PCDHGA7: variants seen among roughly 807,000 people sequenced by gnomAD.
The protein encoded by PCDHGA7 is protocadherin gamma-A7.
A neutral mutation model predicts 58.3 loss-of-function variants in PCDHGA7; 44 were observed. That is an observed-to-expected ratio of 0.75 (90% CI 0.59 to 0.97). The LOEUF is 0.97. Among genes scored for constraint, PCDHGA7 ranks in the 50% least tolerant of loss-of-function variants. PCDHGA7 has a pLI of 0.00. For synonymous variants in PCDHGA7, 516 were observed against 504.2 expected (o/e 1.02, Z -0.31); for missense variants, 1,266 against 1,188.7 (o/e 1.06, Z -0.96).
intron 1 of PCDHGA7, chr5:141,390,882 G>C (rs892294372): frequency 6.5e-6 from 1 of 152,824 alleles, no homozygotes; most frequent in Admixed American, 6.5e-5. Flanking sequence ...GTGTGTGTGT[G>C]TGTGTGAGAG....
rs753044238 is a variant in PCDHGA7, at chr5:141,382,748, C to T, written c.-152C>T. ...TACAGCACAGAGAAACGACAGATTGCGATAAGCCCTCTTCCAGGCTGCACT... is the reference window on the plus strand; with the variant it reads ...TACAGCACAGAGAAACGACAGATTGTGATAAGCCCTCTTCCAGGCTGCACT... On this transcript the variant is annotated 5_prime_UTR_variant, in exon 1 of 4. Transcript: ENST00000518325. 2.3e-5 allele frequency: 14 copies of T among 606,870 alleles called. No individual in the cohort carries two copies. Among genetic ancestry groups the T allele is most frequent in the Non-Finnish European group, 3.6e-5 (13 of 360,062 alleles). 37.6% of individuals were successfully genotyped at this position (606,870 alleles called of 1,614,324 possible). A position where few individuals can be genotyped will look rare whatever the true frequency, so the allele number is the denominator to read the frequency against.
chr5:141,405,527 C>T (rs1055420196), intron 1 of PCDHGA7: 7 of 670,510 alleles, frequency 1.0e-5, no homozygotes, highest in Non-Finnish European at 1.8e-5. Flanking sequence ...TCAAGCGATT[C>T]TCCTGCCTCA....
In PCDHGA7 at chr5:141,422,632, G is replaced by T. The variant is rs199543811; in HGVS notation, c.2424+37309G>T. ...CTACATTCCCGAAAACAACCCCAGGGGTGCCTCCATCTTCTCAGTGACCGC... is the reference window on the plus strand; with the variant it reads ...CTACATTCCCGAAAACAACCCCAGGTGTGCCTCCATCTTCTCAGTGACCGC... On this transcript the variant is annotated intron_variant, in intron 1 of 3. Coordinates refer to ENST00000518325, the MANE Select transcript of PCDHGA7 (RefSeq NM_018920.4). 4,245 of 1,613,132 alleles carry T rather than the reference G, an allele frequency of 2.6e-3. 5 individuals carry two copies. The highest frequency in any genetic ancestry group is 3.2e-3 in the Admixed American group (193 of 59,948).
chr5:141,408,299 A>C, intron 1 of PCDHGA7: 1 of 1,613,662 alleles, frequency 6.2e-7, no homozygotes, highest in Non-Finnish European at 8.5e-7. Context: ...GAGTGAGCCG[A>C]TCCGCTACTC....
chr5:141,384,110 T>G lies in PCDHGA7; in HGVS notation c.1211T>G (p.Leu404Trp). 1 of 1,604,780 alleles carries G rather than the reference T, an allele frequency of 6.2e-7. No homozygotes were observed. Among genetic ancestry groups the G allele is most frequent in the Non-Finnish European group, 8.5e-7 (1 of 1,175,206 alleles). ...LEKSIDNYYR[L>W]VTTKNLDRET... ...AAATCAATAGATAATTATTATAGAT[T>G]GGTCACAACCAAAAACTTGGACCGG... The change falls in exon 1 of 4, where the codon TTG becomes TGG. Residue 404 changes from leucine (L) to tryptophan (W), a missense_variant. Physicochemically the swap from Leu to Trp is moderately conservative, Grantham distance 61. Coordinates refer to ENST00000518325, the MANE Select transcript of PCDHGA7 (RefSeq NM_018920.4).
intron 1 of PCDHGA7, among the ~76,000 whole-genome samples, chr5:141,402,212 A>T (rs1282581389): frequency 6.6e-6 from 1 of 152,138 alleles, no homozygotes; most frequent in Non-Finnish European, 1.5e-5. Context: ...ACAAAAATTT[A>T]AAATAAACGT....
chr5:141,423,759 G>GGC, intron 1 of PCDHGA7: 9 of 321,042 alleles, frequency 2.8e-5, no homozygotes, highest in Non-Finnish European at 3.6e-5. Context: ...TTGGGGGGGG[G>GGC]GTGGGGCGGC....
intron 1 of PCDHGA7, chr5:141,428,149 G>A (rs1048150182): frequency 8.8e-6 from 14 of 1,586,676 alleles, no homozygotes; most frequent in African/African-American, 1.3e-5. Flanking sequence ...CTGCACACGG[G>A]AACCTGCTGG....
rs199507728 is a variant in PCDHGA7, at chr5:141,422,807, G to A, written c.2424+37484G>A. On this transcript the variant is annotated intron_variant, in intron 1 of 3. Coordinates refer to ENST00000518325, the MANE Select transcript of PCDHGA7 (RefSeq NM_018920.4). ...CAATCCTTCGACTATGAGCAGTTTC[G>A]AGACTTAGAACTGAGAGTGATAGCA... 1.9e-3 allele frequency: 3,146 copies of A among 1,614,198 alleles called. 36 individuals are homozygous for A. The highest frequency in any genetic ancestry group is 0.018 in the South Asian group (1,680 of 91,084).
At chr5:141,390,377 T>G in intron 1 of PCDHGA7, 9 of 1,463,992 alleles carry the variant, frequency 6.1e-6, no homozygotes, top group Non-Finnish European at 8.4e-6. Flanking sequence ...TATATAATTT[T>G]TAGATGTCAT....
rs2097372368 is a variant in PCDHGA7 at position 141,431,422 on chromosome 5, G to A, written c.2424+46099G>A. On this transcript the variant is annotated intron_variant, in intron 1 of 3. Coordinates refer to ENST00000518325, the MANE Select transcript of PCDHGA7 (RefSeq NM_018920.4). This position sits in a 1 kb window ranked among gnomAD's most constrained non-coding sequence, Gnocchi z 4.8. ...CGGCCTCCGACGGGGGCGACCCGGTGCGCACAGGCACCGCGCGCATCCGCG... is the reference window on the plus strand; with the variant it reads ...CGGCCTCCGACGGGGGCGACCCGGTACGCACAGGCACCGCGCGCATCCGCG... 6.2e-7 allele frequency: 1 copy of A among 1,613,710 alleles called. No individual in the cohort carries two copies. The highest frequency in any genetic ancestry group is 2.2e-5 in the East Asian group (1 of 44,882).
intron 1 of PCDHGA7, chr5:141,418,727 C>T: frequency 6.2e-7 from 1 of 1,613,976 alleles, no homozygotes; most frequent in Non-Finnish European, 8.5e-7. Flanking sequence ...CAAAGCTCAG[C>T]ACGTGTTCTC....
intron 1 of PCDHGA7, among the ~76,000 whole-genome samples, chr5:141,430,329 T>G (rs1466381565): frequency 1.3e-5 from 2 of 151,776 alleles, no homozygotes; most frequent in Non-Finnish European, 2.9e-5. Flanking sequence ...AATCATTGTT[T>G]ATAGAAACTT....
intron 1 of PCDHGA7, among the ~76,000 whole-genome samples, chr5:141,464,049 G>C (rs1330340459): frequency 6.6e-6 from 1 of 152,124 alleles, no homozygotes; most frequent in Admixed American, 6.5e-5. Context: ...TGGATCACCT[G>C]AGGTCAGGAG....
rs779183487 is a variant in PCDHGA7, at chr5:141,430,845, C to T, written c.2424+45522C>T. ...GGGACTCTGTGGGAGACCGGATGCA[C>T]CCAGATACGCTATTCAGTTCCGGAA... On this transcript the variant is annotated intron_variant, in intron 1 of 3. Coordinates refer to ENST00000518325, the MANE Select transcript of PCDHGA7 (RefSeq NM_018920.4). 27 of 1,575,514 alleles carry T rather than the reference C, an allele frequency of 1.7e-5. No individual in the cohort carries two copies. In the African/African-American group the frequency reaches 3.7e-4, roughly 21 times the overall value.
chr5:141,426,363 C>T (rs994657779), intron 1 of PCDHGA7: 12 of 202,404 alleles, frequency 5.9e-5, no homozygotes, highest in East Asian at 4.4e-4. Context: ...CTTTGTTCTG[C>T]GGGGCACCCT....
intron 1 of PCDHGA7, chr5:141,388,306 A>G (rs1315280677): frequency 6.2e-7 from 1 of 1,613,826 alleles, no homozygotes; most frequent in South Asian, 1.1e-5. Flanking sequence ...TTTGAGCTGC[A>G]AATAAGTGAG....
intron 1 of PCDHGA7, chr5:141,430,662 C>A: frequency 8.6e-7 from 1 of 1,169,068 alleles, no homozygotes; most frequent in Non-Finnish European, 1.2e-6. Context: ...AACGGAGGAG[C>A]TCTGACTTCC....
chr5:141,383,705 T>C lies in PCDHGA7; in HGVS notation c.806T>C (p.Leu269Pro), dbSNP rs765563941. The C allele has an allele frequency of 5.0e-6, 8 of 1,614,020 alleles. No individual in the cohort carries two copies. In the South Asian group the frequency reaches 8.8e-5, roughly 18 times the overall value. ...CTGCTCACGGTACATGCTATCGACC[T>C]GGACGAGGGAGTCAATGGGGAAGTG... ...TRLLTVHAID[L>P]DEGVNGEVTY... Residue 269 changes from leucine to proline, a missense_variant, in exon 1 of 4, where the codon CTG becomes CCG. Leu to Pro is a moderately conservative substitution (Grantham distance 98, BLOSUM62 -3). Transcript: ENST00000518325.
Sources: allele counts gnomAD v4.1 joint callset (sites outside exome capture counted in the v4.1 genomes callset), GRCh38; gene constraint gnomAD v4.1.1; non-coding constraint Gnocchi (gnomAD v3.1); transcripts MANE v1.5; gene names NCBI Gene and HGNC (gene_info 2026-07-23, HGNC 2026-07-21).